Variants in SLC39A11 observed in about 807,000 individuals in gnomAD.
SLC39A11 encodes solute carrier family 39 member 11, also known as zinc transporter ZIP11.
A neutral mutation model predicts 36.1 loss-of-function variants in SLC39A11; 33 were observed. The observed-to-expected ratio is 0.91, with a 90% CI of 0.69 to 1.22. The LOEUF (loss-of-function observed/expected upper bound fraction) is 1.22, where lower values mean the gene tolerates loss of function less well. SLC39A11 is among the 50% of genes most tolerant of loss of function. The pLI, the probability that SLC39A11 is intolerant of heterozygous loss-of-function variation, is 0.00. For missense variants in SLC39A11, 432 were observed against 430.3 expected (o/e 1.00, Z -0.03); for synonymous variants, 166 against 170.3 (o/e 0.97, Z 0.20).
intron 3 of SLC39A11, among the ~76,000 whole-genome samples, chr17:73,041,421 T>C (rs1414309496): frequency 6.6e-6 from 1 of 152,104 alleles, no homozygotes; most frequent in Non-Finnish European, 1.5e-5. Flanking sequence ...TGACAATGAG[T>C]GTGCAGATGG....
At chr17:72,866,034 G>A (rs1474781279) in intron 5 of SLC39A11, among the ~76,000 whole-genome samples, 1 of 152,176 alleles carries the variant, frequency 6.6e-6, no homozygotes, top group Admixed American at 6.5e-5. Flanking sequence ...CCAATACCTG[G>A]GTCATGAACC....
At chr17:72,818,623 C>A (rs2077663133) in intron 6 of SLC39A11, among the ~76,000 whole-genome samples, 1 of 152,136 alleles carries the variant, frequency 6.6e-6, no homozygotes, top group Non-Finnish European at 1.5e-5. Context: ...CATTTCTGGA[C>A]TCTACTTAGG....
At chr17:72,762,142 T>A (rs916068886) in intron 6 of SLC39A11, among the ~76,000 whole-genome samples, 1 of 152,148 alleles carries the variant, frequency 6.6e-6, no homozygotes, top group African/African-American at 2.4e-5. Flanking sequence ...AAAATGAGGA[T>A]GAGACCTACT....
intron 6 of SLC39A11, among the ~76,000 whole-genome samples, chr17:72,761,129 G>C (rs1366198007): frequency 6.6e-6 from 1 of 151,746 alleles, no homozygotes; most frequent in Non-Finnish European, 1.5e-5. Context: ...GTTTTGTTTT[G>C]TTTTGAGATG....
intron 6 of SLC39A11, among the ~76,000 whole-genome samples, chr17:72,842,940 G>A (rs549405672): frequency 2.6e-5 from 4 of 152,084 alleles, no homozygotes; most frequent in Non-Finnish European, 4.4e-5. Flanking sequence ...CTCTAAAGGG[G>A]AGGGTTTTTT....
At chr17:72,790,704 G>C (rs1228827241) in intron 6 of SLC39A11, among the ~76,000 whole-genome samples, 3 of 151,940 alleles carry the variant, frequency 2.0e-5, no homozygotes, top group Non-Finnish European at 4.4e-5. Context: ...GCTAATTTTT[G>C]TATTTTTTAG....
At chr17:72,901,003 A>C (rs6501576) in intron 5 of SLC39A11, among the ~76,000 whole-genome samples, 4,135 of 151,614 alleles carry the variant, frequency 0.027, 194 homozygotes, top group African/African-American at 0.094. Context: ...CGAAAAAAAA[A>C]CACGATGCTG....
At chr17:72,955,526 C>T (rs1281301157) in intron 4 of SLC39A11, among the ~76,000 whole-genome samples, 1 of 144,550 alleles carries the variant, frequency 6.9e-6, no homozygotes, top group Non-Finnish European at 1.5e-5. Flanking sequence ...CCAGGCTGGT[C>T]TCACACTCCT....
chr17:72,724,360 CT>C (rs1242442549), intron 7 of SLC39A11, among the ~76,000 whole-genome samples: 3 of 152,102 alleles, frequency 2.0e-5, no homozygotes, highest in Non-Finnish European at 4.4e-5. Flanking sequence ...TTTCCAAAAG[CT>C]TGCTCAAAAG....
intron 5 of SLC39A11, among the ~76,000 whole-genome samples, chr17:72,910,922 A>G (rs1183213711): frequency 1.2e-4 from 12 of 96,450 alleles, no homozygotes; most frequent in Non-Finnish European, 2.4e-4. Flanking sequence ...GCAAGACTCC[A>G]CCTCAAAAAA....
intron 6 of SLC39A11, among the ~76,000 whole-genome samples, chr17:72,834,158 G>A (rs182853539): frequency 6.6e-6 from 1 of 152,288 alleles, no homozygotes; most frequent in Admixed American, 6.5e-5. Flanking sequence ...GATCATGGAA[G>A]CGTTCTACAT....
chr17:72,973,190 G>C (rs1348527571), intron 4 of SLC39A11, among the ~76,000 whole-genome samples: 2 of 151,842 alleles, frequency 1.3e-5, no homozygotes, highest in Non-Finnish European at 2.9e-5. Context: ...AACTAGTTAA[G>C]ATTAGGTTTG....
At chr17:73,001,739 T>G (rs1035859378) in intron 4 of SLC39A11, among the ~76,000 whole-genome samples, 13 of 152,078 alleles carry the variant, frequency 8.5e-5, no homozygotes, top group Non-Finnish European at 7.4e-5. Context: ...CAAGGTTATG[T>G]GTATACCTGG....
intron 6 of SLC39A11, among the ~76,000 whole-genome samples, chr17:72,848,049 A>AT (rs1433345417): frequency 6.6e-6 from 1 of 152,252 alleles, no homozygotes; most frequent in Non-Finnish European, 1.5e-5. Context: ...ATCATGGCTG[A>AT]AAAGGCAGCA....
intron 6 of SLC39A11, among the ~76,000 whole-genome samples, chr17:72,804,247 C>T (rs1260457510): frequency 6.6e-6 from 1 of 152,040 alleles, no homozygotes; most frequent in Admixed American, 6.6e-5. Flanking sequence ...ATTCCAAGTC[C>T]CCATTTGAAT....
intron 5 of SLC39A11, among the ~76,000 whole-genome samples, chr17:72,882,824 TCTCA>T (rs2081268997): frequency 1.3e-5 from 2 of 148,238 alleles, no homozygotes; most frequent in African/African-American, 2.5e-5. Context: ...TGAGATGGAG[TCTCA>T]CTCTAGCTTC....
At chr17:72,903,270 A>AG (rs1182816972) in intron 5 of SLC39A11, among the ~76,000 whole-genome samples, 40 of 119,226 alleles carry the variant, frequency 3.4e-4, no homozygotes, top group African/African-American at 1.4e-3. Flanking sequence ...TGTCTCGAAA[A>AG]GAAAAAAAAA....
intron 7 of SLC39A11, among the ~76,000 whole-genome samples, chr17:72,699,007 T>G (rs1598381638): frequency 6.6e-6 from 1 of 152,136 alleles, no homozygotes; most frequent in East Asian, 1.9e-4. Context: ...ATTTTTGTAT[T>G]TTTAGTAGAG....
chr17:72,741,132 A>G (rs1437801482), intron 6 of SLC39A11, among the ~76,000 whole-genome samples: 2 of 152,204 alleles, frequency 1.3e-5, no homozygotes, highest in African/African-American at 4.8e-5. Context: ...CAGCAACAGG[A>G]GGTGGCTACA....
Sources: gnomAD v4.1 joint callset for allele counts (sites outside exome capture counted in the v4.1 genomes callset) on GRCh38, gnomAD v4.1.1 for gene constraint, MANE v1.5 for transcripts, NCBI Gene and HGNC (gene_info 2026-07-23, HGNC 2026-07-21) for gene names.